Variants in MYO18A observed in about 807,000 individuals in gnomAD.
The protein encoded by MYO18A is unconventional myosin-XVIIIa.
Under a neutral mutation model 235.8 loss-of-function variants are expected in MYO18A, and 78 were observed. The observed-to-expected ratio is 0.33, with a 90% CI of 0.28 to 0.40. MYO18A has a LOEUF of 0.40. MYO18A is among the 10% of genes least tolerant of loss of function. The pLI is 1.00. For synonymous variants in MYO18A, 977 were observed against 1,077.8 expected (o/e 0.91, Z 1.83); for missense variants, 2,215 against 2,699.3 (o/e 0.82, Z 3.98).
At position 29,115,334 on chromosome 17, in the gene MYO18A, T is replaced by A; in HGVS notation, c.2318+17A>T. 6.2e-7 allele frequency: 1 copy of A among 1,613,506 alleles called. No individual in the cohort carries two copies. The highest frequency in any genetic ancestry group is 8.5e-7 in the Non-Finnish European group (1 of 1,179,596). On this transcript the variant is annotated intron_variant, in intron 13 of 41. Transcript: ENST00000527372. ...CTGCCAAAGCAGGAAAAGCCCTGGG[T>A]CCTGCCTGGCACTCACCTATTCACC...
chr17:29,109,722 A>G lies in MYO18A; in HGVS notation c.3331+136T>C. 1 of 1,134,430 alleles carries G rather than the reference A, an allele frequency of 8.8e-7. No homozygotes were observed. The highest frequency in any genetic ancestry group is 1.2e-6 in the Non-Finnish European group (1 of 802,164). 70.3% of individuals were successfully genotyped at this position (1,134,430 alleles called of 1,614,324 possible). A position where few individuals can be genotyped will look rare whatever the true frequency, so the allele number is the denominator to read the frequency against. ...GCTGTGGGCTGGGAGAGATGAGGAG[A>G]GACCAGAGCAGAAAGGATCGTGAGG... is the stretch of plus-strand genomic sequence containing the variant. On this transcript the variant is annotated intron_variant, in intron 19 of 41. Transcript: ENST00000527372. The surrounding 1 kb of genome is among the most constrained non-coding windows in gnomAD (Gnocchi z 4.1).
chr17:29,165,666 C>T (rs887662897), intron 2 of MYO18A, among the ~76,000 whole-genome samples: 2 of 152,178 alleles, frequency 1.3e-5, no homozygotes, highest in Non-Finnish European at 2.9e-5. Flanking sequence ...GGTTGAGAGA[C>T]GAAGGTGTGA....
At position 29,111,277 on chromosome 17, in the gene MYO18A, C is replaced by A. The variant is rs79647501; in HGVS notation, c.2900+147G>T. The A allele has an allele frequency of 3.3e-6, 3 of 898,798 alleles. No homozygotes were observed. In the African/African-American group the frequency reaches 5.0e-5, roughly 15 times the overall value. 55.7% of individuals were successfully genotyped at this position (898,798 alleles called of 1,614,324 possible). A position where few individuals can be genotyped will look rare whatever the true frequency, so the allele number is the denominator to read the frequency against. ...AAGAGGCCCCTCAAGCTCCTCAAGG[C>A]CAAGTGCCCTGGGCTGTTGCCTCTC... On this transcript the variant is annotated intron_variant, in intron 17 of 41. Coordinates refer to ENST00000527372, the MANE Select transcript of MYO18A (RefSeq NM_078471.4). The surrounding 1 kb of genome is among the most constrained non-coding windows in gnomAD (Gnocchi z 5.1).
intron 2 of MYO18A, among the ~76,000 whole-genome samples, chr17:29,122,705 T>C (rs991749232): frequency 2.6e-5 from 4 of 152,230 alleles, no homozygotes; most frequent in Admixed American, 6.5e-5. Flanking sequence ...TTCATCCAAA[T>C]GATAGGGCCT....
Position 29,140,618 on chromosome 17 carries a change from G to T in MYO18A, c.1000-18365C>A. On this transcript the variant is annotated intron_variant, in intron 2 of 41. Transcript: ENST00000527372. The surrounding 1 kb of genome is among the most constrained non-coding windows in gnomAD (Gnocchi z 4.2). ...AAGCCATTGGGGTGGGGGGCAGGCAGTGTTAGGGGGTTAGGGCAAGGACAG... is the reference window on the plus strand; with the variant it reads ...AAGCCATTGGGGTGGGGGGCAGGCATTGTTAGGGGGTTAGGGCAAGGACAG... 1 of 221,548 alleles carries T rather than the reference G, an allele frequency of 4.5e-6. No homozygotes were observed. Among genetic ancestry groups the T allele is most frequent in the Non-Finnish European group, 9.4e-6 (1 of 106,782 alleles). The allele number at this position is 221,548 out of a possible 1,614,324, so 13.7% of individuals were successfully genotyped here.
chr17:29,150,009 G>C (rs1233817089), intron 2 of MYO18A, among the ~76,000 whole-genome samples: 1 of 152,232 alleles, frequency 6.6e-6, no homozygotes, highest in African/African-American at 2.4e-5. Flanking sequence ...AAAAAAGGAA[G>C]CCAGCTTAAG....
chr17:29,121,575 C>G lies in MYO18A; in HGVS notation c.1343G>C (p.Arg448Pro), dbSNP rs145994854. Residue 448 changes from arginine (R) to proline (P), a missense_variant, in exon 5 of 42, where the codon CGT becomes CCT. Coordinates refer to ENST00000527372, the MANE Select transcript of MYO18A (RefSeq NM_078471.4). This position sits in a 1 kb window ranked among gnomAD's most constrained non-coding sequence, Gnocchi z 4.2. ...AGPSLLVLGP[R>P]GAPAVYSEKV... ...CTCAGAGTACACAGCAGGGGCCCCA[C>G]GGGGGCCAAGAACCAGCAGGCTGGG... 6.2e-7 allele frequency: 1 copy of G among 1,604,220 alleles called. No homozygotes were observed. The highest frequency in any genetic ancestry group is 1.7e-5 in the Admixed American group (1 of 58,424).
chr17:29,086,151 C>T (rs959464068), intron 39 of MYO18A, among the ~76,000 whole-genome samples: 8 of 152,226 alleles, frequency 5.3e-5, no homozygotes, highest in African/African-American at 1.7e-4. Flanking sequence ...CAGGTGCCAT[C>T]GGAAATGCAG....
At chr17:29,083,475 C>G (rs2066167263) in intron 40 of MYO18A, among the ~76,000 whole-genome samples, 2 of 146,638 alleles carry the variant, frequency 1.4e-5, no homozygotes, top group African/African-American at 5.0e-5. Flanking sequence ...AGGAATGGCT[C>G]CATTCCTGAA....
chr17:29,114,404 A>G, intron 14 of MYO18A: 1 of 354,262 alleles, frequency 2.8e-6, no homozygotes. Context: ...GAAACACTTG[A>G]AGACAACTGC....
Position 29,109,344 on chromosome 17 carries a change from C to T in MYO18A, c.3331+514G>A, listed in dbSNP as rs953096972. The stretch of plus-strand genomic sequence containing the variant: ...GTGTGCTATCCCGGCCCCCAGCCAC[C>T]GATAACAGCTTCTAAGGACTCTAAG... On this transcript the variant is annotated intron_variant, in intron 19 of 41. Transcript: ENST00000527372. The surrounding 1 kb of genome is among the most constrained non-coding windows in gnomAD (Gnocchi z 4.1). Among the ~76,000 whole-genome samples the T allele has an allele frequency of 1.3e-5, 2 of 152,074 alleles. No individual in the cohort carries two copies. Among genetic ancestry groups the T allele is most frequent in the Non-Finnish European group, 2.9e-5 (2 of 68,014 alleles).
At chr17:29,178,609 A>T (rs968294438) in intron 1 of MYO18A, among the ~76,000 whole-genome samples, 5 of 152,144 alleles carry the variant, frequency 3.3e-5, no homozygotes, top group African/African-American at 1.2e-4. Context: ...CTTCATCACA[A>T]AAAAACAGAG....
chr17:29,173,098 C>CTT (rs71135873), intron 1 of MYO18A, among the ~76,000 whole-genome samples: 16,158 of 146,432 alleles, frequency 0.11, 1,580 homozygotes, highest in African/African-American at 0.26. Flanking sequence ...TTTGCCGTTA[C>CTT]TTTTTTTTTT....
At chr17:29,094,592 T>G (rs1598291253) in intron 30 of MYO18A, 58 bp downstream of exon 30, 1 of 1,565,600 alleles carries the variant, frequency 6.4e-7, no homozygotes, top group Non-Finnish European at 8.8e-7. Context: ...AGGCTGGCTG[T>G]GGGGATGGTG....
intron 28 of MYO18A, among the ~76,000 whole-genome samples, chr17:29,095,339 C>A (rs1385956134): frequency 6.6e-6 from 1 of 152,218 alleles, no homozygotes; most frequent in Non-Finnish European, 1.5e-5. Context: ...CAGGCCCCCT[C>A]AGGAGTTAAG....
rs143502477 is a variant in MYO18A, at chr17:29,094,090, C to T, written c.4711G>A (p.Ala1571Thr). ...ATCTCCATCTCCAGACGCAGCTTGG[C>T]CTGGAGGTGGTTGGAGTAGGGTCTG... ...QAGTIQMLEQ[A>T]KLRLEMEMER... The change falls in exon 31 of 42, where the codon GCC (alanine) becomes ACC (threonine). Residue 1571 changes from alanine (A) to threonine (T), a missense_variant and splice_region_variant. Ala to Thr is a moderately conservative substitution (Grantham distance 58). Transcript: ENST00000527372. 3.8e-3 allele frequency: 6,072 copies of T among 1,601,486 alleles called. 70 individuals carry two copies. The highest frequency in any genetic ancestry group is 0.029 in the South Asian group (2,550 of 88,428).
rs2065904754 is a variant in MYO18A, at chr17:29,073,114, AGAGGGAGG to A, written c.*1648_*1655del. On this transcript the variant is annotated 3_prime_UTR_variant, in exon 42 of 42. Transcript: ENST00000527372. ...GAAAGAAAGAGAGAGAGAGAGGGAG[AGAGGGAGG>A]GACGGAAGGAGGAAGAGAAGAGAAG... The A allele has an allele frequency of 6.9e-6, 1 of 145,976 alleles. No individual in the cohort carries two copies. Among genetic ancestry groups the A allele is most frequent in the Non-Finnish European group, 1.5e-5 (1 of 67,020 alleles). 9.0% of individuals were successfully genotyped at this position (145,976 alleles called of 1,614,324 possible).
At chr17:29,093,298 C>T (rs1414639158) in intron 32 of MYO18A, 25 bp downstream of exon 32, 1 of 1,595,632 alleles carries the variant, frequency 6.3e-7, no homozygotes. Context: ...GCCGGCCAGG[C>T]TTGGTGGGTG....
At chr17:29,116,602 T>C (rs1441175122) in intron 10 of MYO18A, 147 bp from the exon 11 acceptor site, 10 of 527,022 alleles carry the variant, frequency 1.9e-5, no homozygotes, top group African/African-American at 4.6e-5. Context: ...ACAGTCAGAC[T>C]TGGGACAAAC....
Sources: gnomAD v4.1 joint callset for allele counts (sites outside exome capture counted in the v4.1 genomes callset) on GRCh38, gnomAD v4.1.1 for gene constraint, Gnocchi (gnomAD v3.1) non-coding constraint, MANE v1.5 for transcripts, NCBI Gene and HGNC (gene_info 2026-07-23, HGNC 2026-07-21) for gene names.